Variants in NBEA observed in about 807,000 individuals in gnomAD.
The protein encoded by NBEA is lysosomal-trafficking regulator 2.
A neutral mutation model predicts 343.4 loss-of-function variants in NBEA; 44 were observed. That is an observed-to-expected ratio of 0.13 (90% CI 0.10 to 0.16). NBEA has a LOEUF of 0.16. Among genes scored for constraint, NBEA ranks in the 10% least tolerant of loss-of-function variants. The pLI, the probability that NBEA is intolerant of heterozygous loss-of-function variation, is 1.00. For synonymous variants in NBEA, 1,175 were observed against 1,238.7 expected (o/e 0.95, Z 1.08); for missense variants, 2,555 against 3,631.3 (o/e 0.70, Z 7.62).
At chr13:35,088,453 G>A (rs1276746175) in intron 10 of NBEA, among the ~76,000 whole-genome samples, 1 of 151,844 alleles carries the variant, frequency 6.6e-6, no homozygotes, top group Non-Finnish European at 1.5e-5. Context: ...TAGCCATGTG[G>A]ATTTCTCAAA....
chr13:35,397,489 G>A (rs904698895), intron 38 of NBEA, among the ~76,000 whole-genome samples: 5 of 152,132 alleles, frequency 3.3e-5, no homozygotes, highest in African/African-American at 1.2e-4. Context: ...CTTAACTACA[G>A]GAGAATGTAA....
chr13:35,398,763 T>C (rs193290909), intron 38 of NBEA, among the ~76,000 whole-genome samples: 1 of 152,068 alleles, frequency 6.6e-6, no homozygotes, highest in African/African-American at 2.4e-5. Context: ...AGCATAACAC[T>C]TAAGGGCCCT....
chr13:35,574,294 T>C (rs1437005453), intron 45 of NBEA, among the ~76,000 whole-genome samples: 2 of 135,108 alleles, frequency 1.5e-5, no homozygotes, highest in African/African-American at 5.7e-5. Context: ...GGATATTCTT[T>C]AAAAAAAAAA....
intron 7 of NBEA, among the ~76,000 whole-genome samples, chr13:35,057,732 G>T (rs2152566962): frequency 6.6e-6 from 1 of 152,182 alleles, no homozygotes; most frequent in East Asian, 1.9e-4. Flanking sequence ...CTCATTAAAT[G>T]AGAAGACAGT....
At chr13:35,534,577 C>T (rs569619801) in intron 41 of NBEA, among the ~76,000 whole-genome samples, 1 of 152,324 alleles carries the variant, frequency 6.6e-6, no homozygotes, top group Non-Finnish European at 1.5e-5. Context: ...GTGCTCTGGA[C>T]AGCCTCTTGC....
intron 1 of NBEA, among the ~76,000 whole-genome samples, chr13:34,972,752 G>T (rs1266982875): frequency 6.6e-6 from 1 of 151,970 alleles, no homozygotes; most frequent in African/African-American, 2.4e-5. Context: ...TTATGTGATC[G>T]ATTGTAGAGT....
chr13:35,281,563 A>T, intron 34 of NBEA, among the ~76,000 whole-genome samples: 1 of 152,160 alleles, frequency 6.6e-6, no homozygotes, highest in East Asian at 1.9e-4. Context: ...AATTACAATG[A>T]TTATCAAATA....
chr13:35,567,500 G>A (rs1481608470), intron 45 of NBEA, among the ~76,000 whole-genome samples: 2 of 152,090 alleles, frequency 1.3e-5, no homozygotes, highest in Non-Finnish European at 2.9e-5. Flanking sequence ...GGTGCATAAC[G>A]GTAATGAGAA....
chr13:35,617,952 CTTGAATATAGG>C (rs1359843943), intron 48 of NBEA, among the ~76,000 whole-genome samples: 1 of 152,076 alleles, frequency 6.6e-6, no homozygotes, highest in Non-Finnish European at 1.5e-5. Flanking sequence ...CCATAAATTC[CTTGAATATAGG>C]CTGTATTTTT....
At chr13:34,957,338 C>T (rs2059530510) in intron 1 of NBEA, among the ~76,000 whole-genome samples, 1 of 152,108 alleles carries the variant, frequency 6.6e-6, no homozygotes, top group African/African-American at 2.4e-5. Context: ...AGAGACTCAG[C>T]AGGCCAAGCC....
chr13:35,567,104 G>C (rs2080172704), intron 45 of NBEA, 87 bp downstream of exon 45: 2 of 632,562 alleles, frequency 3.2e-6, no homozygotes, highest in Non-Finnish European at 5.4e-6. Flanking sequence ...GCCAGTTAAT[G>C]TTTGTAAGAA....
At position 35,555,119 on chromosome 13, in the gene NBEA, T is replaced by C. The variant is rs2079519769; in HGVS notation, c.6922+17T>C. 7.6e-7 allele frequency: 1 copy of C among 1,321,452 alleles called. No homozygotes were observed. The highest frequency in any genetic ancestry group is 1.1e-6 in the Non-Finnish European group (1 of 923,582). The allele number at this position is 1,321,452 out of a possible 1,614,324, so 81.9% of individuals were successfully genotyped here. A position where few individuals can be genotyped will look rare whatever the true frequency, so the allele number is the denominator to read the frequency against. On this transcript the variant is annotated intron_variant, in intron 44 of 58. Transcript: ENST00000379939. ...CTATTGCAGGTAAGATGTCTCATTC[T>C]TTAATCTAATAATATGTTTATGTTC...
At chr13:35,549,750 AC>A (rs1344027276) in intron 41 of NBEA, among the ~76,000 whole-genome samples, 1 of 152,178 alleles carries the variant, frequency 6.6e-6, no homozygotes, top group African/African-American at 2.4e-5. Context: ...GATCTCATTA[AC>A]CAGTGCTTGG....
At chr13:35,302,822 C>G (rs182529604) in intron 35 of NBEA, among the ~76,000 whole-genome samples, 1 of 152,214 alleles carries the variant, frequency 6.6e-6, no homozygotes, top group East Asian at 1.9e-4. Flanking sequence ...AGTGTCATCA[C>G]AGATTAATAA....
intron 35 of NBEA, among the ~76,000 whole-genome samples, chr13:35,302,457 T>C (rs2152827240): frequency 6.6e-6 from 1 of 152,308 alleles, no homozygotes; most frequent in East Asian, 1.9e-4. Flanking sequence ...TGCAAATAGC[T>C]GAAGAATTTT....
At chr13:35,636,420 A>G (rs915094618) in intron 49 of NBEA, among the ~76,000 whole-genome samples, 16 of 152,236 alleles carry the variant, frequency 1.1e-4, no homozygotes, top group African/African-American at 3.6e-4. Context: ...TCACTTTAGT[A>G]TACTAAAAGT....
intron 41 of NBEA, among the ~76,000 whole-genome samples, chr13:35,534,165 G>A (rs963932529): frequency 2.6e-5 from 4 of 151,912 alleles, no homozygotes; most frequent in South Asian, 2.1e-4. Flanking sequence ...CATAATACTC[G>A]TAAATCTGCC....
intron 30 of NBEA, among the ~76,000 whole-genome samples, chr13:35,193,833 C>T (rs537477897): frequency 3.4e-4 from 51 of 151,824 alleles, no homozygotes; most frequent in African/African-American, 1.1e-3. Context: ...AACAAATAAA[C>T]AAACAAAATT....
intron 10 of NBEA, among the ~76,000 whole-genome samples, chr13:35,087,275 T>C (rs995027974): frequency 1.3e-5 from 2 of 151,844 alleles, no homozygotes; most frequent in African/African-American, 4.8e-5. Context: ...CTTCAAGATA[T>C]TGATCTAGGA....
Sources: gnomAD v4.1 joint callset for allele counts (sites outside exome capture counted in the v4.1 genomes callset) on GRCh38, gnomAD v4.1.1 for gene constraint, MANE v1.5 for transcripts, NCBI Gene and HGNC (gene_info 2026-07-23, HGNC 2026-07-21) for gene names.